Variants in LMOD1 observed in about 807,000 individuals in gnomAD.
LMOD1 encodes the protein leiomodin-1.
In LMOD1, 8 loss-of-function variants were observed where a neutral mutation model predicts 36.5. That is an observed-to-expected ratio of 0.22 (90% CI 0.13 to 0.40). The LOEUF (loss-of-function observed/expected upper bound fraction) is 0.40, where lower values mean the gene tolerates loss of function less well. LMOD1 is among the 10% of genes least tolerant of loss of function. LMOD1 has a pLI of 1.00. For synonymous variants in LMOD1, 284 were observed against 288.7 expected, an observed-to-expected ratio of 0.98 and a Z score of 0.17; for missense variants, 630 against 751.1, an observed-to-expected ratio of 0.84 and a Z score of 1.88.
rs527776339 is a variant in LMOD1, at chr1:201,912,256, C to T, written c.262-11505G>A. Among the ~76,000 whole-genome samples, 130 of 152,310 alleles carry T rather than the reference C, an allele frequency of 8.5e-4. 1 individual carries two copies. Among genetic ancestry groups the T allele is most frequent in the African/African-American group, 2.9e-3 (121 of 41,556 alleles). On this transcript the variant is annotated intron_variant, in intron 1 of 2. Coordinates refer to ENST00000367288, the MANE Select transcript of LMOD1 (RefSeq NM_012134.3). ...CCAAGCTTCATCCTACAACATTGTCCCTTCGCACAGGCATTGCTCCACCCC... is the reference window on the plus strand; with the variant it reads ...CCAAGCTTCATCCTACAACATTGTCTCTTCGCACAGGCATTGCTCCACCCC...
At chr1:201,925,005 A>G (rs1571586646) in intron 1 of LMOD1, among the ~76,000 whole-genome samples, 1 of 152,342 alleles carries the variant, frequency 6.6e-6, no homozygotes. Context: ...ATTTGAGGTC[A>G]GGAGTTCAAG....
In LMOD1 at chr1:201,924,555, AGGAG is replaced by A. The variant is rs1387998542; in HGVS notation, c.261+21521_261+21524del. On this transcript the variant is annotated intron_variant, in intron 1 of 2. Coordinates refer to ENST00000367288, the MANE Select transcript of LMOD1 (RefSeq NM_012134.3). ...AAGGAAGGAAGGAAGGAAGCAAGGA[AGGAG>A]GGAGGGAGGGAAGGAAGGAAGGAAG... 1.9e-3 allele frequency among the ~76,000 whole-genome samples: 213 copies of A among 113,954 alleles called. 1 individual carries two copies. The highest frequency in any genetic ancestry group is 6.7e-3 in the African/African-American group (190 of 28,406). The allele number at this position is 113,954 out of a possible 152,430, so 74.8% of individuals were successfully genotyped here. A position where few individuals can be genotyped will look rare whatever the true frequency, so the allele number is the denominator to read the frequency against.
At chr1:201,920,543 G>C (rs1051205391) in intron 1 of LMOD1, among the ~76,000 whole-genome samples, 1 of 152,126 alleles carries the variant, frequency 6.6e-6, no homozygotes, top group African/African-American at 2.4e-5. Flanking sequence ...AATCATAGTT[G>C]AGAAATAGCT....
chr1:201,898,423 T>G (rs1681230724), intron 2 of LMOD1, 25 bp from the exon 3 acceptor site: 3 of 1,608,528 alleles, frequency 1.9e-6, no homozygotes, highest in Non-Finnish European at 8.5e-7. Flanking sequence ...TAGAGACAGG[T>G]TAGAGAAGGG....
chr1:201,938,448 T>C (rs1682056651), intron 1 of LMOD1, among the ~76,000 whole-genome samples: 2 of 152,082 alleles, frequency 1.3e-5, no homozygotes, highest in South Asian at 4.1e-4. Flanking sequence ...ATTTTATAGG[T>C]GAGGAAACTC....
chr1:201,929,518 C>A (rs2102925560), intron 1 of LMOD1, among the ~76,000 whole-genome samples: 1 of 152,262 alleles, frequency 6.6e-6, no homozygotes, highest in African/African-American at 2.4e-5. Flanking sequence ...ACAATTCAGA[C>A]CTCAGAGTGT....
In LMOD1 at chr1:201,897,176, A is replaced by C; in HGVS notation, c.*1196T>G. 1.6e-4 allele frequency: 35 copies of C among 224,658 alleles called. No homozygotes were observed. Among genetic ancestry groups the C allele is most frequent in the South Asian group, 5.8e-4 (9 of 15,618 alleles). The allele number at this position is 224,658 out of a possible 1,614,324, so 13.9% of individuals were successfully genotyped here. ...GAGGCCCCTCTGAGCCCTAGGGCAC[A>C]CAGATATGGGTGCTATTCTCCAAAT... On this transcript the variant is annotated 3_prime_UTR_variant, in exon 3 of 3. Coordinates refer to ENST00000367288, the MANE Select transcript of LMOD1 (RefSeq NM_012134.3).
intron 1 of LMOD1, among the ~76,000 whole-genome samples, chr1:201,905,462 A>G (rs1466538382): frequency 6.6e-6 from 1 of 152,238 alleles, no homozygotes; most frequent in Admixed American, 6.5e-5. Flanking sequence ...GTCTTATCTG[A>G]TTAAACAGAG....
intron 1 of LMOD1, among the ~76,000 whole-genome samples, chr1:201,922,853 C>T (rs1681729628): frequency 6.6e-6 from 1 of 151,496 alleles, no homozygotes; most frequent in Non-Finnish European, 1.5e-5. Context: ...GAGATGGAGT[C>T]TCACTCTGTC....
chr1:201,926,790 G>A (rs1156781036), intron 1 of LMOD1, among the ~76,000 whole-genome samples: 2 of 152,100 alleles, frequency 1.3e-5, no homozygotes, highest in African/African-American at 4.8e-5. Flanking sequence ...GCTGAGGAGG[G>A]AGGATTGCTT....
intron 1 of LMOD1, among the ~76,000 whole-genome samples, chr1:201,945,601 C>T (rs1682197751): frequency 6.6e-6 from 1 of 152,158 alleles, no homozygotes; most frequent in Admixed American, 6.5e-5. Flanking sequence ...GATCCATGTG[C>T]CGTGAGATGC....
intron 1 of LMOD1, among the ~76,000 whole-genome samples, chr1:201,916,496 CAGAG>C (rs1273321217): frequency 6.7e-6 from 1 of 149,756 alleles, no homozygotes; most frequent in Non-Finnish European, 1.5e-5. Context: ...GCCTGAGCAA[CAGAG>C]AGAGACCCTG....
chr1:201,899,084 A>G lies in LMOD1; in HGVS notation c.1776+153T>C. The G allele has an allele frequency of 3.1e-6, 2 of 640,096 alleles. No individual in the cohort carries two copies. The highest frequency in any genetic ancestry group is 2.8e-5 in the East Asian group (1 of 36,106). The allele number at this position is 640,096 out of a possible 1,614,324, so 39.7% of individuals were successfully genotyped here. A position where few individuals can be genotyped will look rare whatever the true frequency, so the allele number is the denominator to read the frequency against. On this transcript the variant is annotated intron_variant, in intron 2 of 2. Transcript: ENST00000367288. This position sits in a 1 kb window ranked among gnomAD's most constrained non-coding sequence, Gnocchi z 6.3. ...GACCTGCCTGCAGGCAGGAGGATGC[A>G]TGAGATGACCTGAAGTCCCCTATGG...
intron 1 of LMOD1, among the ~76,000 whole-genome samples, chr1:201,922,726 T>C (rs1355497639): frequency 1.3e-5 from 2 of 149,518 alleles, no homozygotes; most frequent in African/African-American, 2.4e-5. Context: ...TATTGTTATA[T>C]ATAATATAAT....
Position 201,900,089 on chromosome 1 carries a change from C to G in LMOD1, c.924G>C (p.Lys308Asn). ...GPTKPSEGPA[K>N]VEEEAAPSIF... ...TGCTGGGAGCTGCCTCCTCCTCCAC[C>G]TTGGCCGGTCCTTCAGAGGGCTTGG... Residue 308 changes from lysine to asparagine, a missense_variant, in exon 2 of 3, where the codon AAG becomes AAC. By Grantham distance (94) the Lys-to-Asn change is moderately conservative. Transcript: ENST00000367288. The G allele has an allele frequency of 6.2e-7, 1 of 1,613,962 alleles. No homozygotes were observed. The highest frequency in any genetic ancestry group is 2.2e-5 in the East Asian group (1 of 44,874).
chr1:201,899,419 C>A lies in LMOD1; in HGVS notation c.1594G>T (p.Ala532Ser). ...KNSPKKGGAPAAPPPPPPPLA... is the reference protein window; with the variant it reads ...KNSPKKGGAPSAPPPPPPPLA... ...GGAGGGGGAGGGGGTGGTGGGGCAG[C>A]TGGAGCACCCCCTTTTTTGGGTGAG... The change falls in exon 2 of 3, where the codon GCT (alanine) becomes TCT (serine). Residue 532 changes from alanine (A) to serine (S), a missense_variant. Physicochemically the swap from Ala to Ser is moderately conservative, Grantham distance 99. This residue lies in a region of LMOD1 where 144 missense variants were observed against 169.8 expected (regional missense o/e 0.85). Transcript: ENST00000367288. The surrounding 1 kb of genome is among the most constrained non-coding windows in gnomAD (Gnocchi z 6.3). The A allele has an allele frequency of 3.1e-6, 5 of 1,613,620 alleles. No homozygotes were observed. The highest frequency in any genetic ancestry group is 4.2e-6 in the Non-Finnish European group (5 of 1,179,690).
At chr1:201,932,140 A>C (rs1281305455) in intron 1 of LMOD1, among the ~76,000 whole-genome samples, 1 of 152,198 alleles carries the variant, frequency 6.6e-6, no homozygotes, top group Non-Finnish European at 1.5e-5. Context: ...AGGACTGAGC[A>C]TGAGAATTGA....
intron 1 of LMOD1, among the ~76,000 whole-genome samples, chr1:201,944,800 C>G (rs796733953): frequency 2.1e-4 from 32 of 152,224 alleles, no homozygotes; most frequent in African/African-American, 7.5e-4. Context: ...CCCTCCTCCT[C>G]CCTTCTTTCC....
Position 201,899,642 on chromosome 1 carries a change from G to C in LMOD1, c.1371C>G (p.Ala457=), listed in dbSNP as rs547542329. ...LLKLGYHFEL[A]GPRMTVTNLL... is the part of the protein sequence containing the mutation. The stretch of plus-strand genomic sequence containing the variant: ...GATTGGTGACAGTCATTCGGGGCCC[G>C]GCCAGCTCAAAATGGTAGCCCAGCT... Residue 457 remains alanine, a synonymous_variant, in exon 2 of 3, where the codon GCC becomes GCG. Transcript: ENST00000367288. The surrounding 1 kb of genome is among the most constrained non-coding windows in gnomAD (Gnocchi z 6.3). 3.1e-6 allele frequency: 5 copies of C among 1,613,260 alleles called. No individual in the cohort carries two copies. Among genetic ancestry groups the C allele is most frequent in the African/African-American group, 1.3e-5 (1 of 75,028 alleles).
Sources: allele counts gnomAD v4.1 joint callset (sites outside exome capture counted in the v4.1 genomes callset), GRCh38; gene constraint gnomAD v4.1.1; regional missense constraint gnomAD v4.1.1; non-coding constraint Gnocchi (gnomAD v3.1); transcripts MANE v1.5; gene names NCBI Gene and HGNC (gene_info 2026-07-23, HGNC 2026-07-21).